Variants in HNRNPA3 observed in about 807,000 individuals in gnomAD.
The protein encoded by HNRNPA3 is heterogeneous nuclear ribonucleoprotein A3.
In HNRNPA3, 3 loss-of-function variants were observed where a neutral mutation model predicts 45.8. That is an observed-to-expected ratio of 0.07 (90% CI 0.03 to 0.17). HNRNPA3 has a LOEUF of 0.17. HNRNPA3 is among the 10% of genes least tolerant of loss of function. HNRNPA3 has a pLI of 1.00. For synonymous variants in HNRNPA3, 170 were observed against 155.6 expected, an observed-to-expected ratio of 1.09 and a Z score of -0.69; for missense variants, 183 against 480.3, an observed-to-expected ratio of 0.38 and a Z score of 5.79.
At chr2:177,217,221 T>A (rs1472190116) in intron 7 of HNRNPA3, among the ~76,000 whole-genome samples, 2 of 77,002 alleles carry the variant, frequency 2.6e-5, no homozygotes, top group Non-Finnish European at 5.2e-5. Context: ...TTTTCTTTTT[T>A]ACTATCAGAA....
At chr2:177,223,733 TAAGTATGTTTTCTGATTTTTAAG>T (rs1689287139), downstream of HNRNPA3, 9 of 152,326 alleles carry the variant, frequency 5.9e-5, no homozygotes, top group South Asian at 1.9e-3. Flanking sequence ...CTTTAAAACT[TAAGTATGTTTTCTGATTTTTAAG>T]AATTCAGAAG....
chr2:177,221,598 C>T (rs1048169678), downstream of HNRNPA3: 2 of 152,570 alleles, frequency 1.3e-5, no homozygotes, highest in Non-Finnish European at 2.9e-5. Flanking sequence ...CTCTTGTGAA[C>T]AGTGTGGAAA....
At chr2:177,216,094 A>G (rs1280364616) in exon 4 of HNRNPA3, 2 of 1,558,524 alleles carry the variant, frequency 1.3e-6, no homozygotes, top group Non-Finnish European at 1.7e-6. Context: ...GCAAGATTGA[A>G]ACCATAGAAG....
chr2:177,216,834 T>A, intron 6 of HNRNPA3, 26 bp from the exon 7 acceptor site: 1 of 1,612,776 alleles, frequency 6.2e-7, no homozygotes, highest in South Asian at 1.1e-5. Flanking sequence ...ATATATTATT[T>A]TAATTCATTT....
downstream of HNRNPA3, chr2:177,223,085 A>AGG (rs1369548025): frequency 2.6e-5 from 4 of 152,574 alleles, no homozygotes; most frequent in African/African-American, 9.7e-5. Context: ...AATCCTTTGG[A>AGG]GACATACTGA....
chr2:177,217,634 C>A (rs990938296), intron 7 of HNRNPA3, 71 bp from the exon 8 acceptor site: 6 of 1,581,348 alleles, frequency 3.8e-6, no homozygotes, highest in Admixed American at 1.7e-5. Context: ...CTCTTACACA[C>A]ACACCAGAAT....
intron 8 of HNRNPA3, 108 bp downstream of exon 8, chr2:177,217,953 T>C (rs1284567289): frequency 8.8e-7 from 1 of 1,140,808 alleles, no homozygotes; most frequent in Admixed American, 2.9e-5. Context: ...TTTTATGTTC[T>C]ATAAGAAAAA....
intron 1 of HNRNPA3, among the ~76,000 whole-genome samples, chr2:177,215,283 T>G (rs983914264): frequency 6.6e-6 from 1 of 152,044 alleles, no homozygotes; most frequent in Non-Finnish European, 1.5e-5. Context: ...TTAGTAGAGA[T>G]GGGGTTTCGC....
intron 1 of HNRNPA3, among the ~76,000 whole-genome samples, chr2:177,213,699 G>C (rs1688794111): frequency 6.6e-6 from 1 of 152,260 alleles, no homozygotes; most frequent in Admixed American, 6.5e-5. Context: ...TCCGGCCGCT[G>C]AGGAGGGTGG....
At chr2:177,215,430 T>C in intron 1 of HNRNPA3, 109 bp from the exon 2 acceptor site, 1 of 1,137,772 alleles carries the variant, frequency 8.8e-7, no homozygotes. Context: ...GTGTTAACTG[T>C]CACAGGAATT....
chr2:177,220,001 T>G (rs1689120417), exon 11 of HNRNPA3: 2 of 152,602 alleles, frequency 1.3e-5, no homozygotes, highest in African/African-American at 4.8e-5. Flanking sequence ...GGCGCTGACA[T>G]GTGGAGAGAA....
chr2:177,215,917 G>A (rs777740547), intron 3 of HNRNPA3, 21 bp downstream of exon 3: 44 of 1,597,984 alleles, frequency 2.8e-5, no homozygotes, highest in Non-Finnish European at 3.7e-5. Context: ...AATACATTGT[G>A]TAATATGTGA....
intron 7 of HNRNPA3, among the ~76,000 whole-genome samples, chr2:177,217,351 T>G (rs1688984968): frequency 6.6e-6 from 1 of 152,258 alleles, no homozygotes; most frequent in Admixed American, 6.5e-5. Flanking sequence ...GCCAGTGGCT[T>G]AAATGTAATA....
At chr2:177,213,142 T>C (rs1406749569) in intron 1 of HNRNPA3, among the ~76,000 whole-genome samples, 1 of 149,154 alleles carries the variant, frequency 6.7e-6, no homozygotes, top group African/African-American at 2.5e-5. Context: ...CTGCGCGGCC[T>C]CCGAAGCGAG....
downstream of HNRNPA3, chr2:177,222,432 G>GT (rs1313910106): frequency 6.6e-6 from 1 of 152,158 alleles, no homozygotes; most frequent in Non-Finnish European, 1.5e-5. Context: ...TGTGAAAACC[G>GT]TTTTGGTGTG....
At chr2:177,218,740 T>G (rs991103234) in intron 8 of HNRNPA3, among the ~76,000 whole-genome samples, 1 of 152,230 alleles carries the variant, frequency 6.6e-6, no homozygotes, top group African/African-American at 2.4e-5. Flanking sequence ...TTTAACAAGT[T>G]AGAATGCCTT....
intron 10 of HNRNPA3, 23 bp from the exon 11 acceptor site, chr2:177,219,385 T>C: frequency 8.4e-7 from 1 of 1,185,320 alleles, no homozygotes; most frequent in Non-Finnish European, 1.2e-6. Context: ...GTAATAATTT[T>C]TTTATCCTGT....
At chr2:177,219,208 ATG>A in intron 9 of HNRNPA3, 37 bp from the exon 10 acceptor site, 1 of 1,610,684 alleles carries the variant, frequency 6.2e-7, no homozygotes, top group Non-Finnish European at 8.5e-7. Context: ...AATTTAAAAA[ATG>A]TGCATACTTC....
chr2:177,217,939 C>T (rs747834971), intron 8 of HNRNPA3, 94 bp downstream of exon 8: 4 of 1,217,172 alleles, frequency 3.3e-6, no homozygotes, highest in East Asian at 5.4e-5. Context: ...AGCGTTTGAT[C>T]AAATTTTATG....
Sources: allele counts gnomAD v4.1 joint callset (sites outside exome capture counted in the v4.1 genomes callset), GRCh38; gene constraint gnomAD v4.1.1; transcripts MANE v1.5; gene names NCBI Gene and HGNC (gene_info 2026-07-23, HGNC 2026-07-21).